Variants in LIPA observed in about 807,000 individuals in gnomAD.
LIPA encodes the protein lysosomal acid lipase/cholesteryl ester hydrolase.
In LIPA, 26 loss-of-function variants were observed where a neutral mutation model predicts 40.6. That is an observed-to-expected ratio of 0.64 (90% CI 0.47 to 0.89). The LOEUF (loss-of-function observed/expected upper bound fraction) is 0.89, where lower values mean the gene tolerates loss of function less well. Among genes scored for constraint, LIPA ranks in the 40% least tolerant of loss-of-function variants. LIPA has a pLI of 0.00. For missense variants in LIPA, 455 were observed against 479.6 expected, an observed-to-expected ratio of 0.95 and a Z score of 0.48; for synonymous variants, 188 against 168.4, an observed-to-expected ratio of 1.12 and a Z score of -0.90.
chr10:89,324,923 A>G (rs541000566), intron 1 of LIPA, among the ~76,000 whole-genome samples: 1 of 152,262 alleles, frequency 6.6e-6, no homozygotes, highest in South Asian at 2.1e-4. Context: ...TACCCAGTCT[A>G]TTGGGTTGGT....
chr10:89,284,776 A>C (rs538957730), intron 1 of LIPA, among the ~76,000 whole-genome samples: 28 of 152,318 alleles, frequency 1.8e-4, no homozygotes, highest in African/African-American at 6.5e-4. Context: ...TGCACGTATA[A>C]ATCCGGATGA....
At chr10:89,303,330 T>A (rs1843457949) in intron 1 of LIPA, among the ~76,000 whole-genome samples, 1 of 152,238 alleles carries the variant, frequency 6.6e-6, no homozygotes, top group Non-Finnish European at 1.5e-5. Context: ...GGTTAGAGTC[T>A]GAGGATGTGT....
Position 89,408,449 on chromosome 10 carries a change from A to C in LIPA, c.61+4342T>G, listed in dbSNP as rs190125125. 6.0e-3 allele frequency among the ~76,000 whole-genome samples: 908 copies of C among 152,294 alleles called. 6 individuals are homozygous for C. The highest frequency in any genetic ancestry group is 0.01 in the Non-Finnish European group (688 of 68,026). On this transcript the variant is annotated intron_variant, in intron 2 of 8. Coordinates refer to the LIPA transcript ENST00000371837. ...CTTATCCCCATATCCTAGCCTTCCTATAGCTCCCCTTCCTATTAATGATAA... is the reference window on the plus strand; with the variant it reads ...CTTATCCCCATATCCTAGCCTTCCTCTAGCTCCCCTTCCTATTAATGATAA...
chr10:89,279,835 T>C (rs1051524876), intron 1 of LIPA, among the ~76,000 whole-genome samples: 6 of 152,090 alleles, frequency 3.9e-5, no homozygotes, highest in African/African-American at 1.4e-4. Context: ...GGACAAAAAA[T>C]GGGGCCAGGA....
rs116669644 is a variant in LIPA at position 89,356,707 on chromosome 10, G to A, written c.61+56084C>T. 1.6e-3 allele frequency among the ~76,000 whole-genome samples: 247 copies of A among 152,190 alleles called. 2 individuals carry two copies. Among genetic ancestry groups the A allele is most frequent in the African/African-American group, 5.5e-3 (228 of 41,526 alleles). ...TTATAGTGAGTTGTATAATTATTTC[G>A]TTTATATTACAATGTAATAATAATA... is the stretch of plus-strand genomic sequence containing the variant. On this transcript the variant is annotated intron_variant, in intron 2 of 8. Transcript: ENST00000371837.
intron 3 of LIPA, among the ~76,000 whole-genome samples, chr10:89,243,084 G>T (rs1842982033): frequency 6.6e-6 from 1 of 152,202 alleles, no homozygotes; most frequent in South Asian, 2.1e-4. Flanking sequence ...GTCAGGAGGG[G>T]AAGCGGGATG....
chr10:89,344,061 A>T (rs1186000082), upstream of LIPA, among the ~76,000 whole-genome samples: 1 of 152,176 alleles, frequency 6.6e-6, no homozygotes, highest in South Asian at 2.1e-4. Context: ...TGTGACCCTA[A>T]GATATTCCTA....
At chr10:89,317,333 G>A (rs11203064) in intron 1 of LIPA, among the ~76,000 whole-genome samples, 32,692 of 152,112 alleles carry the variant, frequency 0.21, 4,390 homozygotes, top group East Asian at 0.63. Flanking sequence ...AAGATTCGAC[G>A]AATGGCTAAC....
intron 2 of LIPA, among the ~76,000 whole-genome samples, chr10:89,356,002 A>AT (rs1380771021): frequency 6.6e-6 from 1 of 152,234 alleles, no homozygotes; most frequent in Non-Finnish European, 1.5e-5. Flanking sequence ...ACAGTTGAAA[A>AT]GCCCATGCTG....
intron 1 of LIPA, chr10:89,327,926 G>A (rs1006053776): frequency 2.1e-5 from 14 of 665,114 alleles, no homozygotes; most frequent in South Asian, 2.0e-5. Context: ...ACTCAAAAAC[G>A]GAGAAAACAT....
chr10:89,238,287 C>T (rs1045763323), intron 3 of LIPA, among the ~76,000 whole-genome samples: 1 of 152,192 alleles, frequency 6.6e-6, no homozygotes, highest in African/African-American at 2.4e-5. Context: ...ACGAGTGCTT[C>T]TAAAACAGCA....
In LIPA at chr10:89,392,471, A is replaced by G. The variant is rs201777435; in HGVS notation, c.61+20320T>C. On this transcript the variant is annotated intron_variant, in intron 2 of 8. Transcript: ENST00000371837. ...AAATAGAAACAAAGTTTCATTCCCC[A>G]CCCCCCCCCGTCAGCAGGAATTCCG... is the stretch of plus-strand genomic sequence containing the variant. 441 of 131,660 alleles carry G rather than the reference A, an allele frequency of 3.3e-3. 7 individuals are homozygous for G. Among genetic ancestry groups the G allele is most frequent in the African/African-American group, 0.011 (377 of 34,934 alleles). 8.2% of individuals were successfully genotyped at this position (131,660 alleles called of 1,614,324 possible). A position where few individuals can be genotyped will look rare whatever the true frequency, so the allele number is the denominator to read the frequency against.
At chr10:89,258,635 C>A (rs531087730) in intron 1 of LIPA, among the ~76,000 whole-genome samples, 9 of 152,244 alleles carry the variant, frequency 5.9e-5, no homozygotes, top group African/African-American at 2.2e-4. Context: ...GGAAAACAGT[C>A]TGTCTGGAAG....
intron 1 of LIPA, among the ~76,000 whole-genome samples, chr10:89,250,436 T>C (rs1345215740): frequency 6.6e-6 from 1 of 152,156 alleles, no homozygotes; most frequent in Non-Finnish European, 1.5e-5. Flanking sequence ...GTTATCCCCT[T>C]CAGTGTGCAT....
At chr10:89,304,231 G>C (rs771692684) in intron 1 of LIPA, among the ~76,000 whole-genome samples, 16 of 152,224 alleles carry the variant, frequency 1.1e-4, no homozygotes, top group Admixed American at 2.0e-4. Context: ...CAAAGAGCCA[G>C]GTTGTCTAAG....
chr10:89,255,819 C>T (rs1295147638), upstream of LIPA, among the ~76,000 whole-genome samples: 1 of 152,122 alleles, frequency 6.6e-6, no homozygotes, highest in Non-Finnish European at 1.5e-5. Context: ...TCAACTCAGG[C>T]CATGTCAGGA....
At chr10:89,223,368 T>C (rs1564752503) in intron 7 of LIPA, among the ~76,000 whole-genome samples, 1 of 152,162 alleles carries the variant, frequency 6.6e-6, no homozygotes, top group Non-Finnish European at 1.5e-5. Context: ...CATCTTTATG[T>C]TTATACTTAT....
At chr10:89,282,875 G>A (rs894169920) in intron 1 of LIPA, among the ~76,000 whole-genome samples, 1 of 152,202 alleles carries the variant, frequency 6.6e-6, no homozygotes, top group Admixed American at 6.5e-5. Flanking sequence ...AACAAGGGAA[G>A]TTCTAGAATT....
In LIPA at chr10:89,217,298, A is replaced by G. The variant is rs146075614; in HGVS notation, c.895-1289T>C. 2.8e-3 allele frequency among the ~76,000 whole-genome samples: 420 copies of G among 152,368 alleles called. 1 individual carries two copies. Among genetic ancestry groups the G allele is most frequent in the African/African-American group, 9.2e-3 (383 of 41,588 alleles). On this transcript the variant is annotated intron_variant, in intron 8 of 9. Coordinates refer to ENST00000336233, the MANE Select transcript of LIPA (RefSeq NM_000235.4). ...AAAAGACAGAGTGAGATGATATACT[A>G]TAGGGGATTGTTACAGGAGAAATAT... is the stretch of plus-strand genomic sequence containing the variant.
Sources: gnomAD v4.1 joint callset for allele counts (sites outside exome capture counted in the v4.1 genomes callset) on GRCh38, gnomAD v4.1.1 for gene constraint, MANE v1.5 for transcripts, NCBI Gene and HGNC (gene_info 2026-07-23, HGNC 2026-07-21) for gene names.